SNX24: variants seen among roughly 807,000 people sequenced by gnomAD.
SNX24 encodes sorting nexin 24, also known as sorting nexin-24.
A neutral mutation model predicts 28.7 loss-of-function variants in SNX24; 22 were observed. The observed-to-expected ratio is 0.77, with a 90% CI of 0.55 to 1.10. The LOEUF is 1.10. Among genes scored for constraint, SNX24 ranks in the 50% least tolerant of loss-of-function variants. SNX24 has a pLI of 0.00. For missense variants in SNX24, 221 were observed against 201.1 expected (o/e 1.10, Z -0.60); for synonymous variants, 69 against 71.5 (o/e 0.96, Z 0.18).
intron 1 of SNX24, among the ~76,000 whole-genome samples, chr5:122,903,181 A>G (rs1757511190): frequency 6.6e-6 from 1 of 151,900 alleles, no homozygotes; most frequent in Non-Finnish European, 1.5e-5. Flanking sequence ...ATCGTGGCTC[A>G]CTGCAGCCTT....
At chr5:122,932,827 C>A (rs1222466461) in intron 1 of SNX24, among the ~76,000 whole-genome samples, 1 of 145,202 alleles carries the variant, frequency 6.9e-6, no homozygotes, top group African/African-American at 2.6e-5. Context: ...CCACTGCGCT[C>A]CAGCCGGGGC....
intron 1 of SNX24, among the ~76,000 whole-genome samples, chr5:122,889,731 A>G (rs924870867): frequency 7.5e-5 from 11 of 145,986 alleles, no homozygotes; most frequent in South Asian, 4.2e-4. Flanking sequence ...GTATGTGTAT[A>G]TATATATATG....
chr5:122,946,359 A>AT (rs1759685176), intron 3 of SNX24, among the ~76,000 whole-genome samples, 200 bp downstream of exon 3: 1 of 152,188 alleles, frequency 6.6e-6, no homozygotes, highest in Non-Finnish European at 1.5e-5. Context: ...GGTTCTATGT[A>AT]TTGGGGAAGT....
At position 123,007,840 on chromosome 5, in the gene SNX24, A is replaced by G; in HGVS notation, c.*91A>G. 6.5e-7 allele frequency: 1 copy of G among 1,547,134 alleles called. No homozygotes were observed. The highest frequency in any genetic ancestry group is 8.7e-7 in the Non-Finnish European group (1 of 1,153,190). Reference sequence around the variant, plus strand: ...ACCAATTTAACCTAAACGCTATGATATATAACAGCTCTAGCTAGTGGTAAA... The same window carrying G: ...ACCAATTTAACCTAAACGCTATGATGTATAACAGCTCTAGCTAGTGGTAAA... On this transcript the variant is annotated 3_prime_UTR_variant, in exon 7 of 7. Transcript: ENST00000261369.
At chr5:122,938,195 G>A (rs955899539) in intron 2 of SNX24, among the ~76,000 whole-genome samples, 3 of 152,118 alleles carry the variant, frequency 2.0e-5, no homozygotes, top group South Asian at 2.1e-4. Flanking sequence ...GAGGCTGCCC[G>A]TGCTTCTGGA....
intron 5 of SNX24, among the ~76,000 whole-genome samples, chr5:123,014,867 C>G (rs1762654063): frequency 6.6e-6 from 1 of 152,180 alleles, no homozygotes; most frequent in Non-Finnish European, 1.5e-5. Context: ...CTCCACAAGA[C>G]CTTTGGACCT....
downstream of SNX24, among the ~76,000 whole-genome samples, chr5:123,013,977 A>G (rs1044181374): frequency 1.3e-5 from 2 of 152,220 alleles, no homozygotes; most frequent in East Asian, 3.8e-4. Flanking sequence ...AGGGGCCAAG[A>G]GGCACTGGGC....
intron 5 of SNX24, among the ~76,000 whole-genome samples, chr5:123,025,200 G>T (rs1762833845): frequency 6.6e-6 from 1 of 152,150 alleles, no homozygotes; most frequent in Non-Finnish European, 1.5e-5. Context: ...ATTTGTAAGT[G>T]CACAGTGCAG....
intron 1 of SNX24, among the ~76,000 whole-genome samples, chr5:122,931,620 A>G (rs1423295151): frequency 6.6e-6 from 1 of 152,084 alleles, no homozygotes; most frequent in Non-Finnish European, 1.5e-5. Context: ...ATATGCATGT[A>G]TATGTATATA....
chr5:122,914,557 A>T (rs945268505), intron 1 of SNX24, among the ~76,000 whole-genome samples: 1 of 151,140 alleles, frequency 6.6e-6, no homozygotes, highest in Non-Finnish European at 1.5e-5. Context: ...GCTATTGATT[A>T]TTGCCACAAT....
intron 1 of SNX24, among the ~76,000 whole-genome samples, chr5:122,851,060 T>TG (rs1754895756): frequency 1.3e-5 from 2 of 152,176 alleles, no homozygotes; most frequent in South Asian, 4.1e-4. Flanking sequence ...ACTGTAGGCT[T>TG]GTAGTTTGAA....
chr5:122,845,731 C>A, intron 1 of SNX24, 38 bp downstream of exon 1: 1 of 1,284,084 alleles, frequency 7.8e-7, no homozygotes, highest in Middle Eastern at 2.1e-4. Context: ...CCCCGCGAGC[C>A]AGGCCTGCGG....
At chr5:122,845,908 C>A (rs898405824) in intron 1 of SNX24, among the ~76,000 whole-genome samples, 1 of 152,028 alleles carries the variant, frequency 6.6e-6, no homozygotes, top group African/African-American at 2.4e-5. Context: ...CCTAGCCCCT[C>A]GGGGTCCAAC....
At chr5:122,863,139 A>G (rs934833242) in intron 1 of SNX24, among the ~76,000 whole-genome samples, 7 of 152,170 alleles carry the variant, frequency 4.6e-5, no homozygotes, top group East Asian at 3.8e-4. Flanking sequence ...TAAATATAGT[A>G]TCTTAGATAG....
At chr5:122,968,333 C>T (rs758133399) in intron 3 of SNX24, among the ~76,000 whole-genome samples, 8 of 152,088 alleles carry the variant, frequency 5.3e-5, no homozygotes, top group Non-Finnish European at 7.4e-5. Flanking sequence ...GGCAACAGAG[C>T]GAGACTCCAT....
At chr5:122,888,600 T>C (rs1006543316) in intron 1 of SNX24, among the ~76,000 whole-genome samples, 10 of 152,142 alleles carry the variant, frequency 6.6e-5, no homozygotes, top group African/African-American at 1.7e-4. Context: ...CCCAACAGGA[T>C]TTTTGCTCAA....
At chr5:122,854,885 A>G (rs1755111761) in intron 1 of SNX24, among the ~76,000 whole-genome samples, 1 of 152,224 alleles carries the variant, frequency 6.6e-6, no homozygotes, top group South Asian at 2.1e-4. Flanking sequence ...TAGTTTATTA[A>G]GTGTGCAGTA....
chr5:122,908,071 A>G (rs183173929), intron 1 of SNX24, among the ~76,000 whole-genome samples: 79 of 152,336 alleles, frequency 5.2e-4, no homozygotes, highest in Non-Finnish European at 9.8e-4. Context: ...TCATCACCAC[A>G]TAGACAAAAC....
chr5:122,845,739 C>T, intron 1 of SNX24, 46 bp downstream of exon 1: 3 of 1,205,092 alleles, frequency 2.5e-6, no homozygotes, highest in South Asian at 3.0e-5. Flanking sequence ...GCCAGGCCTG[C>T]GGCTGCTGCG....
Sources: allele counts gnomAD v4.1 joint callset (sites outside exome capture counted in the v4.1 genomes callset), GRCh38; gene constraint gnomAD v4.1.1; transcripts MANE v1.5; gene names NCBI Gene and HGNC (gene_info 2026-07-23, HGNC 2026-07-21).